The following EMILIN2 variants were observed in gnomAD, a reference collection of about 807,000 sequenced individuals.
EMILIN2 encodes the protein elastin microfibril interfacer 2, also known as EMILIN-2.
EMILIN2 carries 71 observed loss-of-function variants against 87.1 expected under a neutral mutation model. The observed-to-expected ratio is 0.82, with a 90% confidence interval of 0.67 to 0.99. The LOEUF is 0.99. Ranked by LOEUF, EMILIN2 falls within the 50% of genes least tolerant of loss-of-function variation. The probability of loss-of-function intolerance (pLI) is 0.00; values close to 1 mark genes in which losing one functional copy is unlikely to be tolerated. For synonymous variants in EMILIN2, 581 were observed against 563.4 expected (o/e 1.03, Z -0.44); for missense variants, 1,407 against 1,371.8 (o/e 1.03, Z -0.40).
At chr18:2,873,102 C>T (rs948256644) in intron 2 of EMILIN2, among the ~76,000 whole-genome samples, 1 of 151,660 alleles carries the variant, frequency 6.6e-6, no homozygotes, top group Non-Finnish European at 1.5e-5. Context: ...GGAAGCAAGC[C>T]ACCTATATTT....
chr18:2,867,393 C>T (rs1027633274), intron 2 of EMILIN2, among the ~76,000 whole-genome samples: 5 of 151,658 alleles, frequency 3.3e-5, no homozygotes, highest in East Asian at 1.9e-4. Flanking sequence ...GGGTGTTTCT[C>T]GCAGAGGGGG....
rs1448925875 is a variant in EMILIN2, at chr18:2,915,397, G to A, written c.*1993G>A. On this transcript the variant is annotated 3_prime_UTR_variant, in exon 8 of 8. Transcript: ENST00000254528. ...TTTGTACAGGTAGTAGAACAACAAG[G>A]TCAGCTGAGCTTAAGGCTGTGGGGT... The A allele has an allele frequency of 2.6e-5, 4 of 152,228 alleles. No individual in the cohort carries two copies. 9.4% of individuals were successfully genotyped at this position (152,228 alleles called of 1,614,324 possible). A position where few individuals can be genotyped will look rare whatever the true frequency, so the allele number is the denominator to read the frequency against.
intron 2 of EMILIN2, among the ~76,000 whole-genome samples, chr18:2,869,288 A>G (rs1475017154): frequency 6.6e-6 from 1 of 152,234 alleles, no homozygotes; most frequent in African/African-American, 2.4e-5. Context: ...GTTAAAAAAA[A>G]AAAAGCTTAA....
chr18:2,868,684 C>T (rs2076702899), intron 2 of EMILIN2, among the ~76,000 whole-genome samples: 1 of 152,240 alleles, frequency 6.6e-6, no homozygotes, highest in African/African-American at 2.4e-5. Context: ...CAATCGCAGG[C>T]ACTCGGCAGG....
At chr18:2,870,742 C>T (rs1008858124) in intron 2 of EMILIN2, among the ~76,000 whole-genome samples, 6 of 152,316 alleles carry the variant, frequency 3.9e-5, no homozygotes, top group South Asian at 2.1e-4. Flanking sequence ...CCAAGACACA[C>T]GAGCAGGGAC....
intron 2 of EMILIN2, among the ~76,000 whole-genome samples, chr18:2,860,748 T>C (rs2076656809): frequency 6.6e-6 from 1 of 152,206 alleles, no homozygotes; most frequent in South Asian, 2.1e-4. Context: ...TCTGGGTACA[T>C]ACCCAGTAAT....
At chr18:2,856,574 T>C (rs112941966) in intron 2 of EMILIN2, among the ~76,000 whole-genome samples, 175 of 152,338 alleles carry the variant, frequency 1.1e-3, no homozygotes, top group African/African-American at 4.1e-3. Context: ...GTGTACATAA[T>C]GAAGTAGGTG....
intron 2 of EMILIN2, among the ~76,000 whole-genome samples, chr18:2,851,090 G>GA (rs113621895): frequency 0.015 from 1,985 of 130,296 alleles, 23 homozygotes; most frequent in African/African-American, 0.035. Context: ...GGCTCTGATG[G>GA]AAAAAAAAAA....
intron 2 of EMILIN2, among the ~76,000 whole-genome samples, chr18:2,871,496 C>T (rs1462482488): frequency 6.6e-6 from 1 of 152,204 alleles, no homozygotes; most frequent in Non-Finnish European, 1.5e-5. Flanking sequence ...GACTGGCAGT[C>T]CGTGCCAGAA....
rs2076577387 is a variant in EMILIN2 at position 2,847,011 on chromosome 18, G to A, written c.-178G>A. 1.9e-6 allele frequency: 2 copies of A among 1,045,498 alleles called. No individual in the cohort carries two copies. The highest frequency in any genetic ancestry group is 2.3e-6 in the Non-Finnish European group (2 of 864,148). The allele number at this position is 1,045,498 out of a possible 1,614,324, so 64.8% of individuals were successfully genotyped here. A position where few individuals can be genotyped will look rare whatever the true frequency, so the allele number is the denominator to read the frequency against. ...CGCAGGGCGCACGGGGCTGCAGAAG[G>A]AGAAGTAGGAACGAGAAGCCGGAGG... On this transcript the variant is annotated 5_prime_UTR_variant, in exon 1 of 8. Coordinates refer to ENST00000254528, the MANE Select transcript of EMILIN2 (RefSeq NM_032048.3). The surrounding 1 kb of genome is among the most constrained non-coding windows in gnomAD (Gnocchi z 4.5).
At chr18:2,910,900 G>C (rs2144078620) in intron 7 of EMILIN2, among the ~76,000 whole-genome samples, 1 of 152,306 alleles carries the variant, frequency 6.6e-6, no homozygotes, top group South Asian at 2.1e-4. Flanking sequence ...TGGCATCTAA[G>C]GTCAGGGCGA....
rs3810067 is a variant in EMILIN2, at chr18:2,891,480, T to C, written c.1353T>C (p.Asn451=). 0.04 allele frequency: 64,493 copies of C among 1,614,162 alleles called. 2,386 individuals carry two copies. Among genetic ancestry groups the C allele is most frequent in the East Asian group, 0.23 (10,281 of 44,880 alleles). The change falls in exon 4 of 8, where the codon AAT becomes AAC. Residue 451 remains asparagine (N), a synonymous_variant. Coordinates refer to ENST00000254528, the MANE Select transcript of EMILIN2 (RefSeq NM_032048.3). This position sits in a 1 kb window ranked among gnomAD's most constrained non-coding sequence, Gnocchi z 4.6. ...EPDVDFDAKW[N]ELDARINVTE... is the part of the protein sequence containing the mutation. ...ATGTGGATTTTGATGCAAAATGGAA[T>C]GAACTCGATGCAAGGATCAATGTGA...
intron 4 of EMILIN2, among the ~76,000 whole-genome samples, chr18:2,899,057 A>G (rs912798058): frequency 6.8e-6 from 1 of 146,008 alleles, no homozygotes; most frequent in Non-Finnish European, 1.5e-5. Flanking sequence ...CCAGAGCTGC[A>G]TGCATAAATG....
chr18:2,902,703 A>G (rs1210363897), intron 4 of EMILIN2, among the ~76,000 whole-genome samples: 1 of 152,196 alleles, frequency 6.6e-6, no homozygotes, highest in Non-Finnish European at 1.5e-5. Context: ...ACAATGGAAG[A>G]TTTTTGAGCA....
intron 2 of EMILIN2, among the ~76,000 whole-genome samples, chr18:2,877,310 T>G (rs902053563): frequency 2.6e-5 from 4 of 152,224 alleles, no homozygotes; most frequent in South Asian, 2.1e-4. Flanking sequence ...ACTTCCTATT[T>G]CAGACTTTAT....
At chr18:2,912,054 T>C (rs2076943603) in intron 7 of EMILIN2, among the ~76,000 whole-genome samples, 1 of 138,406 alleles carries the variant, frequency 7.2e-6, no homozygotes, top group Admixed American at 7.4e-5. Context: ...TTTTTTTTTT[T>C]TTCTGAGACA....
intron 2 of EMILIN2, among the ~76,000 whole-genome samples, chr18:2,870,147 GGGAGGATCGC>G (rs1159439245): frequency 6.6e-6 from 1 of 152,106 alleles, no homozygotes; most frequent in Non-Finnish European, 1.5e-5. Context: ...AGGCTGAGGT[GGGAGGATCGC>G]TTGGGCTGGG....
At chr18:2,903,173 G>C (rs1038533823) in intron 4 of EMILIN2, among the ~76,000 whole-genome samples, 1 of 151,534 alleles carries the variant, frequency 6.6e-6, no homozygotes, top group African/African-American at 2.4e-5. Context: ...TCCAAGAAGA[G>C]GAGGGAGGGT....
intron 2 of EMILIN2, among the ~76,000 whole-genome samples, chr18:2,857,159 G>A (rs967700200): frequency 2.6e-5 from 4 of 152,154 alleles, no homozygotes; most frequent in African/African-American, 7.2e-5. Context: ...TCTTTGCAGT[G>A]TCAGCCTTTC....
Sources: allele counts gnomAD v4.1 joint callset (sites outside exome capture counted in the v4.1 genomes callset), GRCh38; gene constraint gnomAD v4.1.1; non-coding constraint Gnocchi (gnomAD v3.1); transcripts MANE v1.5; gene names NCBI Gene and HGNC (gene_info 2026-07-23, HGNC 2026-07-21).